Variants in MRPL48 observed in about 807,000 individuals in gnomAD.
MRPL48 encodes mitochondrial ribosomal protein L48, also known as large ribosomal subunit protein mL48.
Under a neutral mutation model 32.9 loss-of-function variants are expected in MRPL48, and 16 were observed. The observed-to-expected ratio is 0.49, with a 90% CI of 0.33 to 0.74. The LOEUF (loss-of-function observed/expected upper bound fraction) is 0.74. MRPL48 is among the 30% of genes least tolerant of loss of function. The pLI, the probability that MRPL48 is intolerant of heterozygous loss-of-function variation, is 0.02. For synonymous variants in MRPL48, 94 were observed against 89.2 expected (o/e 1.05, Z -0.31); for missense variants, 206 against 245.3 (o/e 0.84, Z 1.07).
intron 5 of MRPL48, among the ~76,000 whole-genome samples, chr11:73,845,751 C>T (rs760143810): frequency 1.3e-5 from 2 of 151,796 alleles, no homozygotes; most frequent in Admixed American, 6.6e-5. Context: ...GCCTGAGTGA[C>T]GGAGTGAGAC....
intron 5 of MRPL48, among the ~76,000 whole-genome samples, chr11:73,846,137 C>T (rs1330535599): frequency 6.6e-6 from 1 of 151,482 alleles, no homozygotes; most frequent in Non-Finnish European, 1.5e-5. Flanking sequence ...AATAACTGCC[C>T]ATTCCTTCCT....
Position 73,809,848 on chromosome 11 carries a change from G to A in MRPL48, c.112+1498G>A, listed in dbSNP as rs191359638. 2.0e-4 allele frequency among the ~76,000 whole-genome samples: 30 copies of A among 152,354 alleles called. 1 individual carries two copies. Among genetic ancestry groups the A allele is most frequent in the African/African-American group, 7.0e-4 (29 of 41,594 alleles). On this transcript the variant is annotated intron_variant, in intron 3 of 7. Transcript: ENST00000310614. ...ACATTTTTTACTCAGTGCCTACTGTGTGCAAGGAAGTGTGGAAGAGGCTTT... is the reference window on the plus strand; with the variant it reads ...ACATTTTTTACTCAGTGCCTACTGTATGCAAGGAAGTGTGGAAGAGGCTTT...
intron 1 of MRPL48, among the ~76,000 whole-genome samples, chr11:73,796,135 G>C (rs1947250253): frequency 6.6e-6 from 1 of 152,228 alleles, no homozygotes; most frequent in Admixed American, 6.5e-5. Flanking sequence ...TTCCGAGTTG[G>C]GGCGGTGCCC....
intron 4 of MRPL48, among the ~76,000 whole-genome samples, chr11:73,844,122 T>A (rs1255922477): frequency 6.6e-6 from 1 of 151,260 alleles, no homozygotes; most frequent in Non-Finnish European, 1.5e-5. Flanking sequence ...CCTTAATTCA[T>A]ATATGGGTTA....
intron 5 of MRPL48, among the ~76,000 whole-genome samples, chr11:73,854,122 C>T (rs1948447975): frequency 6.6e-6 from 1 of 152,166 alleles, no homozygotes; most frequent in Non-Finnish European, 1.5e-5. Context: ...ACAGATGCTG[C>T]TTTTATAGTG....
chr11:73,864,196 C>A, intron 7 of MRPL48, 100 bp from the exon 8 acceptor site: 2 of 986,116 alleles, frequency 2.0e-6, no homozygotes, highest in Non-Finnish European at 3.1e-6. Context: ...GAATGATTCT[C>A]TACAGAGCTG....
Position 73,825,802 on chromosome 11 carries a change from G to T in MRPL48, c.201+6G>T. The T allele has an allele frequency of 6.4e-7, 1 of 1,556,318 alleles. No homozygotes were observed. The highest frequency in any genetic ancestry group is 8.7e-7 in the Non-Finnish European group (1 of 1,149,552). On this transcript the variant is annotated splice_donor_region_variant and intron_variant, in intron 4 of 7. Transcript: ENST00000310614. ...ACTTAATTAAAGCAGAAGAGGTAAC[G>T]GGCAGGGGGAGTCTTTTGGAAAAGG...
chr11:73,845,003 G>A (rs1349897670), intron 5 of MRPL48, 27 bp downstream of exon 5: 16 of 1,590,382 alleles, frequency 1.0e-5, no homozygotes, highest in African/African-American at 1.3e-5. Context: ...TGTATGGGAT[G>A]TTCTTGGTGT....
At chr11:73,812,175 C>T (rs867518139) in intron 3 of MRPL48, among the ~76,000 whole-genome samples, 8 of 152,052 alleles carry the variant, frequency 5.3e-5, no homozygotes, top group South Asian at 2.1e-4. Flanking sequence ...TGTGAGCCAC[C>T]GCGCCCGGCC....
intron 3 of MRPL48, among the ~76,000 whole-genome samples, chr11:73,824,887 G>GA (rs2135009199): frequency 6.6e-6 from 1 of 152,196 alleles, no homozygotes; most frequent in African/African-American, 2.4e-5. Context: ...GAGCCAAAAG[G>GA]AGAGAATAAG....
chr11:73,808,919 A>T (rs1251952944), intron 3 of MRPL48, among the ~76,000 whole-genome samples: 2 of 148,550 alleles, frequency 1.3e-5, no homozygotes, highest in Admixed American at 1.3e-4. Context: ...GCGAGACTTC[A>T]TCTCAAAAAA....
chr11:73,823,863 T>C lies in MRPL48; in HGVS notation c.113-1845T>C, dbSNP rs573772716. ...ATGTATATATATATAAAGACCCCCC[T>C]TTTTTTTTTTGAGACGGAGTCTGGG... On this transcript the variant is annotated intron_variant, in intron 3 of 7. Coordinates refer to ENST00000310614, the MANE Select transcript of MRPL48 (RefSeq NM_016055.6). Among the ~76,000 whole-genome samples the C allele has an allele frequency of 3.0e-3, 422 of 141,090 alleles. 3 individuals are homozygous for C. Among genetic ancestry groups the C allele is most frequent in the African/African-American group, 0.01 (380 of 37,316 alleles). The allele number at this position is 141,090 out of a possible 152,430, so 92.6% of individuals were successfully genotyped here.
At chr11:73,814,368 G>A (rs1947620639) in intron 3 of MRPL48, among the ~76,000 whole-genome samples, 1 of 151,506 alleles carries the variant, frequency 6.6e-6, no homozygotes, top group Admixed American at 6.6e-5. Flanking sequence ...CTCTAGCCTG[G>A]AAGACAGCAC....
chr11:73,845,033 T>G, intron 5 of MRPL48, 57 bp downstream of exon 5: 1 of 1,522,832 alleles, frequency 6.6e-7, no homozygotes. Flanking sequence ...GCTCTGTTTT[T>G]TTGTTAAACT....
At chr11:73,848,044 T>C (rs1590996086) in intron 5 of MRPL48, among the ~76,000 whole-genome samples, 1 of 152,248 alleles carries the variant, frequency 6.6e-6, no homozygotes, top group East Asian at 1.9e-4. Flanking sequence ...CTTTTATATC[T>C]AAGAAATCTT....
At chr11:73,808,959 T>C (rs1947515486) in intron 3 of MRPL48, among the ~76,000 whole-genome samples, 1 of 150,582 alleles carries the variant, frequency 6.6e-6, no homozygotes, top group Admixed American at 6.6e-5. Flanking sequence ...CTGTGCAGCA[T>C]GGTGAGACCC....
chr11:73,806,873 C>T (rs931534972), intron 2 of MRPL48, among the ~76,000 whole-genome samples: 1 of 150,194 alleles, frequency 6.7e-6, no homozygotes, highest in Non-Finnish European at 1.5e-5. Flanking sequence ...CATTGTTTTT[C>T]TTTTTTCTTT....
chr11:73,828,019 T>C (rs1416799740), intron 4 of MRPL48, among the ~76,000 whole-genome samples: 1 of 152,108 alleles, frequency 6.6e-6, no homozygotes, highest in Non-Finnish European at 1.5e-5. Flanking sequence ...ATGTTTGTTG[T>C]AGGTGAATTT....
intron 1 of MRPL48, among the ~76,000 whole-genome samples, chr11:73,804,135 G>C (rs1021213446): frequency 6.6e-6 from 1 of 152,042 alleles, no homozygotes; most frequent in African/African-American, 2.4e-5. Flanking sequence ...GGCCGGGCTG[G>C]TCTTGAACTC....
Sources: gnomAD v4.1 joint callset for allele counts (sites outside exome capture counted in the v4.1 genomes callset) on GRCh38, gnomAD v4.1.1 for gene constraint, MANE v1.5 for transcripts, NCBI Gene and HGNC (gene_info 2026-07-23, HGNC 2026-07-21) for gene names.